STPG2: variants seen among roughly 807,000 people sequenced by gnomAD.
STPG2 encodes sperm-tail PG-rich repeat-containing protein 2.
STPG2 carries 56 observed loss-of-function variants against 54.2 expected under a neutral mutation model. The observed-to-expected ratio is 1.03, with a 90% CI of 0.83 to 1.29. The LOEUF is 1.29. Among genes scored for constraint, STPG2 ranks in the 50% most tolerant of loss-of-function variants. STPG2 has a pLI of 0.00. For missense variants in STPG2, 596 were observed against 544.9 expected (o/e 1.09, Z -0.93); for synonymous variants, 200 against 181.8 (o/e 1.10, Z -0.81).
intron 9 of STPG2, among the ~76,000 whole-genome samples, chr4:97,722,203 A>G (rs1249057997): frequency 6.6e-6 from 1 of 152,118 alleles, no homozygotes; most frequent in East Asian, 1.9e-4. Context: ...TTGTGTATAA[A>G]TGAGACATAA....
chr4:97,827,957 G>T (rs1202628261), intron 9 of STPG2, among the ~76,000 whole-genome samples: 1 of 151,810 alleles, frequency 6.6e-6, no homozygotes, highest in Non-Finnish European at 1.5e-5. Flanking sequence ...TAACTTATAG[G>T]TATTTAAGGG....
chr4:97,836,104 G>T (rs548039966), intron 9 of STPG2, among the ~76,000 whole-genome samples: 1 of 152,108 alleles, frequency 6.6e-6, no homozygotes, highest in African/African-American at 2.4e-5. Flanking sequence ...AACAGTTGTA[G>T]GGTTAGGGAG....
chr4:98,076,518 G>A (rs1738173254), intron 5 of STPG2, among the ~76,000 whole-genome samples: 1 of 152,142 alleles, frequency 6.6e-6, no homozygotes, highest in African/African-American at 2.4e-5. Flanking sequence ...AATTTGTAGA[G>A]ATTTTAGAAG....
At chr4:98,071,754 A>G (rs1322427707) in intron 5 of STPG2, among the ~76,000 whole-genome samples, 1 of 152,234 alleles carries the variant, frequency 6.6e-6, no homozygotes, top group Non-Finnish European at 1.5e-5. Context: ...AAGGACCTAA[A>G]CAGACACTTC....
intron 9 of STPG2, among the ~76,000 whole-genome samples, chr4:97,800,461 T>G (rs1395132056): frequency 6.6e-6 from 1 of 152,230 alleles, no homozygotes; most frequent in East Asian, 1.9e-4. Flanking sequence ...AGACCCTTTT[T>G]ATCTGGGTAT....
At chr4:98,064,427 T>G (rs1272659929) in intron 5 of STPG2, among the ~76,000 whole-genome samples, 1 of 152,230 alleles carries the variant, frequency 6.6e-6, no homozygotes, top group Non-Finnish European at 1.5e-5. Context: ...TAAAAACAGT[T>G]ATAATCTATC....
chr4:97,719,225 C>T (rs913544025), intron 9 of STPG2, among the ~76,000 whole-genome samples: 4 of 151,912 alleles, frequency 2.6e-5, no homozygotes, highest in Non-Finnish European at 5.9e-5. Flanking sequence ...GGCTTTAGTA[C>T]CTACAGCTCA....
chr4:98,117,874 G>T (rs999878646), intron 3 of STPG2, among the ~76,000 whole-genome samples: 3 of 151,830 alleles, frequency 2.0e-5, no homozygotes, highest in African/African-American at 4.8e-5. Context: ...TTATTTCTTT[G>T]AACATATTTA....
chr4:97,443,189 T>G (rs1176460584), intron 4 of STPG2, among the ~76,000 whole-genome samples: 1 of 152,142 alleles, frequency 6.6e-6, no homozygotes, highest in Non-Finnish European at 1.5e-5. Flanking sequence ...TACATTTCCC[T>G]CGAGGAATCT....
intron 10 of STPG2, among the ~76,000 whole-genome samples, chr4:97,676,914 G>T (rs1722868790): frequency 6.6e-6 from 1 of 152,084 alleles, no homozygotes; most frequent in African/African-American, 2.4e-5. Context: ...CTCTCTGATG[G>T]CTTCTCCCAT....
chr4:98,133,182 T>G (rs974290647), intron 2 of STPG2, among the ~76,000 whole-genome samples: 1 of 152,042 alleles, frequency 6.6e-6, no homozygotes, highest in Admixed American at 6.5e-5. Flanking sequence ...GCTACCTATC[T>G]GGATTCTCCA....
In STPG2 at chr4:97,981,451, A is replaced by G. The variant is rs967475880; in HGVS notation, c.613-133T>C. 3.4e-6 allele frequency: 3 copies of G among 881,602 alleles called. No individual in the cohort carries two copies. The African/African-American group carries it at 5.1e-5, about 15-fold the overall frequency. 54.6% of individuals were successfully genotyped at this position (881,602 alleles called of 1,614,324 possible). A position where few individuals can be genotyped will look rare whatever the true frequency, so the allele number is the denominator to read the frequency against. On this transcript the variant is annotated intron_variant, in intron 5 of 10. Coordinates refer to ENST00000295268, the MANE Select transcript of STPG2 (RefSeq NM_174952.3). ...TCTTAATGGAGTGAAGAAAATGTAG[A>G]TGAACTAAGATCTTGTACCCATCAA...
At chr4:97,481,478 A>C (rs1730219364) in intron 4 of STPG2, among the ~76,000 whole-genome samples, 1 of 151,578 alleles carries the variant, frequency 6.6e-6, no homozygotes, top group Admixed American at 6.6e-5. Context: ...GCATCTTCTA[A>C]TCTATTAATA....
At chr4:98,044,435 T>C (rs1737063858) in intron 5 of STPG2, among the ~76,000 whole-genome samples, 1 of 152,158 alleles carries the variant, frequency 6.6e-6, no homozygotes, top group Non-Finnish European at 1.5e-5. Context: ...GGGATAAATC[T>C]GTATCAAGAT....
At chr4:98,096,358 C>T (rs1456093429) in intron 5 of STPG2, among the ~76,000 whole-genome samples, 1 of 151,668 alleles carries the variant, frequency 6.6e-6, no homozygotes, top group Non-Finnish European at 1.5e-5. Context: ...GATTATGCCA[C>T]TACATTCCAG....
intron 9 of STPG2, among the ~76,000 whole-genome samples, chr4:97,720,955 G>A (rs1724429906): frequency 6.6e-6 from 1 of 151,916 alleles, no homozygotes; most frequent in Non-Finnish European, 1.5e-5. Flanking sequence ...AGAATGCAAT[G>A]TGACGTCTTC....
In STPG2 at chr4:97,631,830, G is replaced by T. The variant is rs192068251; in HGVS notation, c.1321-72713C>A. Among the ~76,000 whole-genome samples the T allele has an allele frequency of 4.1e-3, 629 of 152,150 alleles. 3 individuals carry two copies. The highest frequency in any genetic ancestry group is 0.02 in the South Asian group (97 of 4,816). On this transcript the variant is annotated intron_variant, in intron 10 of 10. Transcript: ENST00000295268. ...ATTAACCTGTGACATTTTTGACAAT[G>T]CAAGGGTATGTGCTGTGCAAAAAGT...
intron 1 of STPG2, among the ~76,000 whole-genome samples, chr4:98,142,474 G>A (rs190578002): frequency 6.6e-6 from 1 of 151,770 alleles, no homozygotes; most frequent in Non-Finnish European, 1.5e-5. Flanking sequence ...CCACTCCACT[G>A]GTCAAAAATA....
intron 9 of STPG2, among the ~76,000 whole-genome samples, chr4:97,733,377 G>C (rs1724869066): frequency 6.6e-6 from 1 of 152,056 alleles, no homozygotes; most frequent in South Asian, 2.1e-4. Flanking sequence ...TTACAAGTAG[G>C]AGCTAAGCTA....
Sources: allele counts gnomAD v4.1 joint callset (sites outside exome capture counted in the v4.1 genomes callset), GRCh38; gene constraint gnomAD v4.1.1; transcripts MANE v1.5; gene names NCBI Gene and HGNC (gene_info 2026-07-23, HGNC 2026-07-21).